The following ITGB5 variants were observed in gnomAD, a reference collection of about 807,000 sequenced individuals.
ITGB5 encodes the protein integrin beta-5.
A neutral mutation model predicts 84.8 loss-of-function variants in ITGB5; 38 were observed. The ratio of observed to expected loss-of-function variants is 0.45; its 90% CI spans 0.35 to 0.59. The LOEUF (loss-of-function observed/expected upper bound fraction) is 0.59. ITGB5 is among the 20% of genes least tolerant of loss of function. The pLI is 0.01. For synonymous variants in ITGB5, 393 were observed against 414.4 expected (o/e 0.95, Z 0.63); for missense variants, 905 against 1,034.5 (o/e 0.87, Z 1.72).
chr3:124,785,448 G>A (rs2064067285), intron 10 of ITGB5, among the ~76,000 whole-genome samples: 1 of 152,022 alleles, frequency 6.6e-6, no homozygotes. Context: ...AGCCAGGTGT[G>A]GTGGCAGGCG....
intron 5 of ITGB5, among the ~76,000 whole-genome samples, chr3:124,830,630 T>C (rs959025314): frequency 3.3e-5 from 5 of 152,190 alleles, no homozygotes; most frequent in Non-Finnish European, 7.3e-5. Flanking sequence ...ATCTGCCACC[T>C]GGGTATGGGG....
intron 2 of ITGB5, among the ~76,000 whole-genome samples, chr3:124,865,958 T>C (rs1447490111): frequency 6.6e-6 from 1 of 152,142 alleles, no homozygotes; most frequent in Non-Finnish European, 1.5e-5. Context: ...TGAGGTCTGC[T>C]ACTTATTATA....
Position 124,870,471 on chromosome 3 carries a change from A to G in ITGB5, c.156+2975T>C, listed in dbSNP as rs1933953310. ...CAGTCGGGCATGGTGGATCACACCT[A>G]TAATCCCAGCACTTTGGGAGGCCAA... On this transcript the variant is annotated intron_variant, in intron 2 of 14. Transcript: ENST00000296181. Among the ~76,000 whole-genome samples the G allele has an allele frequency of 3.3e-5, 5 of 152,224 alleles. 1 individual carries two copies. In the South Asian group the frequency reaches 8.3e-4, roughly 25 times the overall value.
At chr3:124,773,328 TCTC>T (rs1214113108) in intron 11 of ITGB5, among the ~76,000 whole-genome samples, 1 of 152,226 alleles carries the variant, frequency 6.6e-6, no homozygotes, top group African/African-American at 2.4e-5. Context: ...CACACTGTAT[TCTC>T]CTGTGAAAGC....
intron 9 of ITGB5, among the ~76,000 whole-genome samples, chr3:124,802,856 C>T (rs982428295): frequency 1.3e-5 from 2 of 152,282 alleles, no homozygotes; most frequent in Non-Finnish European, 2.9e-5. Flanking sequence ...AAACAAAAAC[C>T]CCACAGCCCT....
Position 124,873,323 on chromosome 3 carries a change from G to A in ITGB5, c.156+123C>T, listed in dbSNP as rs1934146017. On this transcript the variant is annotated intron_variant, in intron 2 of 14. Transcript: ENST00000296181. The stretch of plus-strand genomic sequence containing the variant: ...ACTCTGCCCTGATGGGGAAGAGGCA[G>A]CTTACAGAATCTGCACAGGATTTTT... 1.3e-5 allele frequency: 10 copies of A among 757,728 alleles called. No individual in the cohort carries two copies. The South Asian group carries it at 1.5e-4, about 11-fold the overall frequency. The allele number at this position is 757,728 out of a possible 1,614,324, so 46.9% of individuals were successfully genotyped here. A position where few individuals can be genotyped will look rare whatever the true frequency, so the allele number is the denominator to read the frequency against.
chr3:124,767,604 G>T (rs2063785347), intron 12 of ITGB5, among the ~76,000 whole-genome samples: 1 of 152,150 alleles, frequency 6.6e-6, no homozygotes, highest in Non-Finnish European at 1.5e-5. Context: ...CAGGTCTGCT[G>T]GCAGAACCTG....
Position 124,841,355 on chromosome 3 carries a change from C to A in ITGB5, c.780+28G>T, listed in dbSNP as rs1318437714. 5 of 1,606,020 alleles carry A rather than the reference C, an allele frequency of 3.1e-6. No individual in the cohort carries two copies. The Admixed American group carries it at 5.1e-5, about 16-fold the overall frequency. The stretch of plus-strand genomic sequence containing the variant: ...CGCTCTCTACCTTGACCTCCCCATG[C>A]AGGGACAGGACCAGAAAGGAAAGTT... On this transcript the variant is annotated intron_variant, in intron 5 of 14. Transcript: ENST00000296181.
intron 1 of ITGB5, among the ~76,000 whole-genome samples, chr3:124,881,698 T>C (rs1934576707): frequency 6.6e-6 from 1 of 152,086 alleles, no homozygotes; most frequent in South Asian, 2.1e-4. Flanking sequence ...CCAGGAGTGG[T>C]GGCTCATGCC....
chr3:124,784,774 C>T (rs1256987791), intron 10 of ITGB5, among the ~76,000 whole-genome samples: 7 of 152,224 alleles, frequency 4.6e-5, no homozygotes, highest in African/African-American at 9.6e-5. Flanking sequence ...CTGCCCAATC[C>T]GCCTGGCAGG....
intron 6 of ITGB5, among the ~76,000 whole-genome samples, chr3:124,820,910 C>A (rs540416092): frequency 6.6e-6 from 1 of 152,232 alleles, no homozygotes; most frequent in African/African-American, 2.4e-5. Context: ...CTCTGGGAGC[C>A]CACGTCTAGA....
intron 5 of ITGB5, among the ~76,000 whole-genome samples, chr3:124,825,803 CTG>C (rs2064778015): frequency 1.3e-5 from 2 of 152,148 alleles, no homozygotes; most frequent in South Asian, 4.1e-4. Context: ...CAATTTTACT[CTG>C]TGTAAATTAT....
At chr3:124,817,318 G>C (rs1222708398) in intron 8 of ITGB5, among the ~76,000 whole-genome samples, 1 of 152,206 alleles carries the variant, frequency 6.6e-6, no homozygotes, top group Non-Finnish European at 1.5e-5. Flanking sequence ...GCCTATGCGA[G>C]GTGTCAGAAC....
chr3:124,873,536 A>G lies in ITGB5; in HGVS notation c.71-5T>C, dbSNP rs200040448. On this transcript the variant is annotated splice_region_variant and splice_polypyrimidine_tract_variant and intron_variant, in intron 1 of 14. Coordinates refer to ENST00000296181, the MANE Select transcript of ITGB5 (RefSeq NM_002213.5). ...CACTAGTGCATATGTTGAGACCTTT[A>G]AAGCAAGATAAAGATGCACTAATTA... The G allele has an allele frequency of 9.3e-4, 1,483 of 1,603,162 alleles. 13 individuals carry two copies. The highest frequency in any genetic ancestry group is 1.8e-4 in the Non-Finnish European group (206 of 1,170,050).
rs1006206585 is a variant in ITGB5 at position 124,819,664 on chromosome 3, A to G, written c.1038+75T>C. ...CACCCCTCCTTTGAATTTCCCCCAG[A>G]TAGGCAGAGTTGTAAACACTCCTCA... On this transcript the variant is annotated intron_variant, in intron 7 of 14. Coordinates refer to ENST00000296181, the MANE Select transcript of ITGB5 (RefSeq NM_002213.5). 8 of 1,038,816 alleles carry G rather than the reference A, an allele frequency of 7.7e-6. No homozygotes were observed. In the African/African-American group the frequency reaches 1.3e-4, roughly 16 times the overall value. 64.3% of individuals were successfully genotyped at this position (1,038,816 alleles called of 1,614,324 possible).
At chr3:124,828,923 C>T (rs1559956694) in intron 5 of ITGB5, among the ~76,000 whole-genome samples, 1 of 152,200 alleles carries the variant, frequency 6.6e-6, no homozygotes, top group Non-Finnish European at 1.5e-5. Context: ...CTTTCCCTAT[C>T]TCAGCTTCCT....
In ITGB5 at chr3:124,859,234, C is replaced by A. The variant is rs2065261513; in HGVS notation, c.361+8G>T. The A allele has an allele frequency of 6.2e-7, 1 of 1,612,230 alleles. No homozygotes were observed. Reference sequence around the variant, plus strand: ...CAGAGCATCCAGCCCTTTCTGTGGGCAACTCACCGGGCCGGAGGTTCACGG... The same window carrying A: ...CAGAGCATCCAGCCCTTTCTGTGGGAAACTCACCGGGCCGGAGGTTCACGG... On this transcript the variant is annotated splice_region_variant and intron_variant, in intron 3 of 14. Transcript: ENST00000296181.
At chr3:124,873,088 A>G (rs1400074546) in intron 2 of ITGB5, among the ~76,000 whole-genome samples, 1 of 152,218 alleles carries the variant, frequency 6.6e-6, no homozygotes, top group African/African-American at 2.4e-5. Context: ...AGCCATCTAG[A>G]TATGTTTTGA....
chr3:124,770,223 TG>T (rs370652150), intron 11 of ITGB5: 4 of 152,378 alleles, frequency 2.6e-5, no homozygotes, highest in African/African-American at 9.6e-5. Context: ...GGCTGGGGCA[TG>T]TTGCTCTCAG....
Sources: allele counts gnomAD v4.1 joint callset (sites outside exome capture counted in the v4.1 genomes callset), GRCh38; gene constraint gnomAD v4.1.1; transcripts MANE v1.5; gene names NCBI Gene and HGNC (gene_info 2026-07-23, HGNC 2026-07-21).